SDHC: variants seen among roughly 807,000 people sequenced by gnomAD.
SDHC encodes the protein succinate dehydrogenase complex subunit C.
In SDHC, 11 loss-of-function variants were observed where a neutral mutation model predicts 22.6. That is an observed-to-expected ratio of 0.49 (90% CI 0.31 to 0.81). SDHC has a LOEUF of 0.81. Among genes scored for constraint, SDHC ranks in the 30% least tolerant of loss-of-function variants. The probability of loss-of-function intolerance (pLI) is 0.05; values close to 1 mark genes in which losing one functional copy is unlikely to be tolerated. For synonymous variants in SDHC, 80 were observed against 77.8 expected, an observed-to-expected ratio of 1.03 and a Z score of -0.15; for missense variants, 160 against 212.0, an observed-to-expected ratio of 0.75 and a Z score of 1.52.
intron 3 of SDHC, among the ~76,000 whole-genome samples, chr1:161,336,767 G>C (rs74127636): frequency 0.12 from 17,803 of 152,160 alleles, 1,407 homozygotes; most frequent in African/African-American, 0.22. Flanking sequence ...AAGAGGCCTG[G>C]AAGTAAATGG....
chr1:161,333,348 G>T (rs2102318929), intron 3 of SDHC, among the ~76,000 whole-genome samples: 1 of 151,246 alleles, frequency 6.6e-6, no homozygotes, highest in African/African-American at 2.4e-5. Flanking sequence ...CATTTCTCTT[G>T]GGTATATACC....
intron 1 of SDHC, 74 bp downstream of exon 1, chr1:161,314,499 A>G: frequency 6.4e-7 from 1 of 1,554,622 alleles, no homozygotes; most frequent in Non-Finnish European, 8.9e-7. Context: ...CGTTTTGCTG[A>G]TAACTGTTTA....
chr1:161,357,599 C>G (rs563660144), intron 5 of SDHC, among the ~76,000 whole-genome samples: 3 of 152,068 alleles, frequency 2.0e-5, no homozygotes, highest in South Asian at 4.2e-4. Flanking sequence ...TGGGGTTTCC[C>G]CATGTTAGCC....
chr1:161,328,467 G>A lies in SDHC; in HGVS notation c.149G>A (p.Arg50His), dbSNP rs769177037. Residue 50 changes from arginine (R) to histidine (H), a missense_variant, in exon 3 of 6, where the codon CGT becomes CAT. Around this residue, in one of 2 missense-constraint regions of SDHC, gnomAD observed 86 missense variants for 83.4 expected, o/e 1.03. Transcript: ENST00000367975. ...TGGAATAAGAATATAGGTTCAAACC[G>A]TCCTCTGTCTCCCCACATTACTATC... ...RFWNKNIGSN[R>H]PLSPHITIYS... 6.8e-6 allele frequency: 11 copies of A among 1,612,594 alleles called. No individual in the cohort carries two copies. The highest frequency in any genetic ancestry group is 1.1e-5 in the South Asian group (1 of 91,068).
At chr1:161,355,984 CAAAAAA>C (rs60684612) in intron 4 of SDHC, among the ~76,000 whole-genome samples, 2 of 88,368 alleles carry the variant, frequency 2.3e-5, no homozygotes, top group Non-Finnish European at 4.8e-5. Context: ...GACTCTGTCT[CAAAAAA>C]AAAAAAAAAA....
intron 1 of SDHC, among the ~76,000 whole-genome samples, chr1:161,316,591 T>C (rs1414593889): frequency 1.3e-5 from 2 of 152,154 alleles, no homozygotes; most frequent in East Asian, 1.9e-4. Flanking sequence ...TGATCTCTCT[T>C]TCTTTTCCCC....
At chr1:161,326,514 C>CT (rs909926659) in intron 2 of SDHC, 1 of 137,228 alleles carries the variant, frequency 7.3e-6, no homozygotes, top group Non-Finnish European at 1.6e-5. Context: ...AACATGCTGT[C>CT]TTTGAGTTTC....
chr1:161,322,035 G>T (rs1670856835), intron 1 of SDHC, among the ~76,000 whole-genome samples: 1 of 152,142 alleles, frequency 6.6e-6, no homozygotes, highest in South Asian at 2.1e-4. Flanking sequence ...TTTCTGAAAA[G>T]CTTGGGACCA....
At chr1:161,341,175 C>T (rs1320533276) in intron 4 of SDHC, among the ~76,000 whole-genome samples, 1 of 152,146 alleles carries the variant, frequency 6.6e-6, no homozygotes, top group Non-Finnish European at 1.5e-5. Context: ...AAACCATTCC[C>T]TAGCACTTCC....
intron 3 of SDHC, among the ~76,000 whole-genome samples, chr1:161,333,249 C>T (rs1378704284): frequency 6.6e-6 from 1 of 152,034 alleles, no homozygotes; most frequent in Non-Finnish European, 1.5e-5. Flanking sequence ...AATTGATGGA[C>T]GTTTGAGCTG....
intron 4 of SDHC, among the ~76,000 whole-genome samples, chr1:161,355,937 T>G (rs1463717101): frequency 7.0e-6 from 1 of 142,746 alleles, no homozygotes; most frequent in African/African-American, 2.7e-5. Context: ...TGAGCTGAGA[T>G]CACGCTTACT....
At chr1:161,323,376 T>C (rs1301175706) in intron 1 of SDHC, among the ~76,000 whole-genome samples, 1 of 152,252 alleles carries the variant, frequency 6.6e-6, no homozygotes, top group Non-Finnish European at 1.5e-5. Context: ...TATTCTTTTG[T>C]CTTGCATTAT....
chr1:161,314,613 G>T (rs769785111), intron 1 of SDHC, 188 bp downstream of exon 1: 69 of 665,728 alleles, frequency 1.0e-4, no homozygotes, highest in Non-Finnish European at 1.8e-4. Context: ...GGTGCGCTCC[G>T]TAGGGCTTCG....
Position 161,362,301 on chromosome 1 carries a change from C to CT in SDHC, c.406-14dup, listed in dbSNP as rs34744926. The stretch of plus-strand genomic sequence containing the variant: ...GTTAATGTCCTATTTACTGAAATTC[C>CT]TTTTTTTTTTTTTTGCTTTGTCCAC... On this transcript the variant is annotated intron_variant, in intron 5 of 5. Coordinates refer to ENST00000367975, the MANE Select transcript of SDHC (RefSeq NM_003001.5). 0.018 allele frequency: 26,714 copies of CT among 1,458,480 alleles called. 1 individual carries two copies. Among genetic ancestry groups the CT allele is most frequent in the African/African-American group, 0.023 (1,604 of 68,264 alleles). The allele number at this position is 1,458,480 out of a possible 1,614,324, so 90.3% of individuals were successfully genotyped here.
chr1:161,358,506 G>GTGC (rs1245766769), intron 5 of SDHC, among the ~76,000 whole-genome samples: 1 of 152,022 alleles, frequency 6.6e-6, no homozygotes, highest in Non-Finnish European at 1.5e-5. Flanking sequence ...GTATGGTGGT[G>GTGC]TGCGCCTGTG....
chr1:161,346,390 T>C (rs1302446059), intron 4 of SDHC, among the ~76,000 whole-genome samples: 1 of 152,008 alleles, frequency 6.6e-6, no homozygotes, highest in Non-Finnish European at 1.5e-5. Context: ...ATATTTATAA[T>C]GCACTGTGAT....
rs944882717 is a variant in SDHC at position 161,333,250 on chromosome 1, G to A, written c.179+4753G>A. On this transcript the variant is annotated intron_variant, in intron 3 of 5. Coordinates refer to ENST00000367975, the MANE Select transcript of SDHC (RefSeq NM_003001.5). ...TTTACCCATTTATAAATTGATGGAC[G>A]TTTGAGCTGTTTCCACTTTTTGGCT... Among the ~76,000 whole-genome samples the A allele has an allele frequency of 7.2e-5, 11 of 152,076 alleles. 1 individual carries two copies. The highest frequency in any genetic ancestry group is 1.7e-4 in the African/African-American group (7 of 41,416).
intron 4 of SDHC, among the ~76,000 whole-genome samples, chr1:161,341,778 G>A (rs1671725705): frequency 6.6e-6 from 1 of 152,050 alleles, no homozygotes; most frequent in African/African-American, 2.4e-5. Context: ...TGCTCTTAAA[G>A]CATTCTAGTT....
At chr1:161,357,955 A>G (rs1672346234) in intron 5 of SDHC, among the ~76,000 whole-genome samples, 1 of 150,832 alleles carries the variant, frequency 6.6e-6, no homozygotes, top group African/African-American at 2.4e-5. Context: ...CTGTTTTGAG[A>G]TGTTGGACAG....
Sources: gnomAD v4.1 joint callset for allele counts (sites outside exome capture counted in the v4.1 genomes callset) on GRCh38, gnomAD v4.1.1 for gene constraint, gnomAD v4.1.1 regional missense constraint, MANE v1.5 for transcripts, NCBI Gene and HGNC (gene_info 2026-07-23, HGNC 2026-07-21) for gene names.